KAZN: variants seen among roughly 807,000 people sequenced by gnomAD.
KAZN encodes the protein kazrin, periplakin interacting protein.
In KAZN, 40 loss-of-function variants were observed where a neutral mutation model predicts 87.4. That is an observed-to-expected ratio of 0.46 (90% CI 0.36 to 0.60). The LOEUF is 0.60. Ranked by LOEUF, KAZN falls within the 20% of genes least tolerant of loss-of-function variation. The pLI, the probability that KAZN is intolerant of heterozygous loss-of-function variation, is 0.00. For missense variants in KAZN, 898 were observed against 1,073.9 expected (o/e 0.84, Z 2.29); for synonymous variants, 466 against 458.3 (o/e 1.02, Z -0.22).
In KAZN at chr1:15,060,318, G is replaced by T. The variant is rs370697208; in HGVS notation, c.1047+16G>T. ...CCTCTGCAACGTAAGGCCAGCAGCA[G>T]CGGGGCCTGGGCCCCTGGGCCCTGC... On this transcript the variant is annotated intron_variant, in intron 6 of 14. Transcript: ENST00000376030. 3.7e-5 allele frequency: 59 copies of T among 1,613,868 alleles called. 1 individual carries two copies. The African/African-American group carries it at 6.1e-4, about 17-fold the overall frequency.
intron 1 of KAZN, among the ~76,000 whole-genome samples, chr1:13,910,537 C>A (rs1436448316): frequency 4.6e-5 from 7 of 151,652 alleles, no homozygotes; most frequent in East Asian, 3.9e-4. Context: ...ACACCTCCCC[C>A]ACCTTGCTCC....
In KAZN at chr1:14,701,153, G is replaced by A. The variant is rs150449632; in HGVS notation, c.226+101930G>A. Among the ~76,000 whole-genome samples the A allele has an allele frequency of 3.8e-3, 572 of 152,262 alleles. 3 individuals carry two copies. Among genetic ancestry groups the A allele is most frequent in the Non-Finnish European group, 6.0e-3 (411 of 68,030 alleles). On this transcript the variant is annotated intron_variant, in intron 1 of 14. Coordinates refer to ENST00000376030, the MANE Select transcript of KAZN (RefSeq NM_201628.3). Reference sequence around the variant, plus strand: ...TTTTTCTGAGACAGGAAGTCGCTCTGTCACCCAGGCTGCAGTGCAATGGCA... The same window carrying A: ...TTTTTCTGAGACAGGAAGTCGCTCTATCACCCAGGCTGCAGTGCAATGGCA...
chr1:14,293,120 A>G (rs921492053), intron 2 of KAZN, among the ~76,000 whole-genome samples: 5 of 152,226 alleles, frequency 3.3e-5, no homozygotes, highest in Non-Finnish European at 5.9e-5. Context: ...CCATTTTGCA[A>G]ACAAGGAAAG....
At chr1:14,182,877 C>G (rs1053610316) in intron 2 of KAZN, among the ~76,000 whole-genome samples, 36 of 152,238 alleles carry the variant, frequency 2.4e-4, no homozygotes, top group African/African-American at 7.7e-4. Flanking sequence ...TCCTTTCGTT[C>G]AGTCTGCATT....
At chr1:14,024,661 C>T (rs1640990508) in intron 1 of KAZN, among the ~76,000 whole-genome samples, 1 of 152,166 alleles carries the variant, frequency 6.6e-6, no homozygotes, top group African/African-American at 2.4e-5. Flanking sequence ...AGGTGTGGCA[C>T]TCAAAGCAGA....
intron 1 of KAZN, among the ~76,000 whole-genome samples, chr1:14,136,141 G>A (rs1645104916): frequency 6.6e-6 from 1 of 152,150 alleles, no homozygotes; most frequent in Non-Finnish European, 1.5e-5. Context: ...ATCACATCTT[G>A]GTGGGGAAGT....
At chr1:14,511,984 T>G (rs1206532628) in intron 2 of KAZN, among the ~76,000 whole-genome samples, 1 of 152,154 alleles carries the variant, frequency 6.6e-6, no homozygotes, top group East Asian at 1.9e-4. Flanking sequence ...GGAAGAATTT[T>G]TCAGGGGGTG....
chr1:14,077,202 C>T (rs1643496214), intron 1 of KAZN, among the ~76,000 whole-genome samples: 3 of 152,222 alleles, frequency 2.0e-5, no homozygotes, highest in South Asian at 4.2e-4. Flanking sequence ...CTTGACAGTT[C>T]TTTGATCCCA....
chr1:14,595,488 G>A (rs1310394336), upstream of KAZN, among the ~76,000 whole-genome samples: 1 of 151,832 alleles, frequency 6.6e-6, no homozygotes, highest in Non-Finnish European at 1.5e-5. Context: ...GACCAACCTG[G>A]CCAACCTGGT....
At chr1:14,844,608 G>T (rs970040756) in intron 1 of KAZN, among the ~76,000 whole-genome samples, 1 of 152,224 alleles carries the variant, frequency 6.6e-6, no homozygotes, top group Non-Finnish European at 1.5e-5. Context: ...AATGAAGAAA[G>T]TGTGAGCTTT....
intron 2 of KAZN, among the ~76,000 whole-genome samples, chr1:14,962,321 T>C (rs1212553731): frequency 6.6e-6 from 1 of 152,190 alleles, no homozygotes; most frequent in African/African-American, 2.4e-5. Context: ...ACCCTCTTCT[T>C]CTGGGGTCTT....
chr1:14,883,021 C>T (rs1653502915), intron 1 of KAZN, among the ~76,000 whole-genome samples: 1 of 152,044 alleles, frequency 6.6e-6, no homozygotes, highest in Non-Finnish European at 1.5e-5. Context: ...CTTGGCCGGG[C>T]ACGGTGGCTC....
chr1:14,328,061 T>G (rs1656568321), intron 2 of KAZN, among the ~76,000 whole-genome samples: 1 of 152,182 alleles, frequency 6.6e-6, no homozygotes, highest in East Asian at 1.9e-4. Context: ...GGAAATAACA[T>G]TTGATACTTT....
At chr1:14,348,320 G>A (rs896397790) in intron 2 of KAZN, among the ~76,000 whole-genome samples, 1 of 152,124 alleles carries the variant, frequency 6.6e-6, no homozygotes, top group Admixed American at 6.5e-5. Flanking sequence ...TCCAAATGCT[G>A]GAATTACAGG....
At chr1:14,294,585 C>T (rs1252283874) in intron 2 of KAZN, among the ~76,000 whole-genome samples, 1 of 150,782 alleles carries the variant, frequency 6.6e-6, no homozygotes, top group African/African-American at 2.4e-5. Flanking sequence ...TCACACCAGT[C>T]TACCTGACTC....
chr1:14,886,940 G>A (rs2690025), intron 1 of KAZN, among the ~76,000 whole-genome samples: 151,541 of 152,350 alleles, frequency 0.99, 75,373 homozygotes, highest in Non-Finnish European at 1. Context: ...TGTGTTTCCA[G>A]CACTTCAAAA....
intron 1 of KAZN, chr1:14,924,153 C>A: frequency 1.0e-6 from 1 of 982,204 alleles, no homozygotes; most frequent in Non-Finnish European, 1.2e-6. Flanking sequence ...TGAGAGGCTC[C>A]GCGGCCGAAT....
At chr1:14,131,515 T>C (rs1308693946) in intron 1 of KAZN, among the ~76,000 whole-genome samples, 1 of 152,110 alleles carries the variant, frequency 6.6e-6, no homozygotes, top group Admixed American at 6.5e-5. Context: ...ATTAGATATA[T>C]GTTTTATTGT....
chr1:14,151,778 A>G (rs1057480107), intron 1 of KAZN, among the ~76,000 whole-genome samples: 10 of 152,208 alleles, frequency 6.6e-5, no homozygotes, highest in African/African-American at 2.4e-4. Flanking sequence ...CCCTCATCAC[A>G]CCTGTAACCA....
Sources: gnomAD v4.1 joint callset for allele counts (sites outside exome capture counted in the v4.1 genomes callset) on GRCh38, gnomAD v4.1.1 for gene constraint, MANE v1.5 for transcripts, NCBI Gene and HGNC (gene_info 2026-07-23, HGNC 2026-07-21) for gene names.